The following CSMD1 variants were observed in gnomAD, a reference collection of about 807,000 sequenced individuals.
The protein encoded by CSMD1 is CUB and sushi domain-containing protein 1.
A neutral mutation model predicts 417.5 loss-of-function variants in CSMD1; 213 were observed. That is an observed-to-expected ratio of 0.51 (90% CI 0.46 to 0.57). The LOEUF is 0.57. CSMD1 is among the 20% of genes least tolerant of loss of function. CSMD1 has a pLI of 0.00. For synonymous variants in CSMD1, 2,862 were observed against 1,736.8 expected, an observed-to-expected ratio of 1.65 and a Z score of -16.11; for missense variants, 6,923 against 4,529.7, an observed-to-expected ratio of 1.53 and a Z score of -15.17.
chr8:3,365,779 C>A (rs867954810), intron 20 of CSMD1, among the ~76,000 whole-genome samples: 1 of 152,282 alleles, frequency 6.6e-6, no homozygotes, highest in Non-Finnish European at 1.5e-5. Flanking sequence ...GGGGTTGACA[C>A]CCCAACCCTT....
At chr8:4,046,354 T>C (rs1161943267) in intron 3 of CSMD1, among the ~76,000 whole-genome samples, 1 of 152,214 alleles carries the variant, frequency 6.6e-6, no homozygotes, top group East Asian at 1.9e-4. Context: ...AATGTTATCA[T>C]TATAAACACT....
chr8:3,244,994 CAA>C (rs1563180701), intron 26 of CSMD1, among the ~76,000 whole-genome samples: 2 of 152,108 alleles, frequency 1.3e-5, no homozygotes, highest in South Asian at 4.1e-4. Context: ...TGTGATTCCT[CAA>C]GAGGGAGATT....
chr8:3,384,757 A>C (rs7838106), intron 18 of CSMD1, among the ~76,000 whole-genome samples: 2,416 of 121,546 alleles, frequency 0.02, 86 homozygotes, highest in African/African-American at 0.071. Context: ...TATTTATATA[A>C]ATTATATAAA....
At chr8:4,444,346 C>CAAAAAAAAAAAAAAAAAAAAAA (rs112028005) in intron 2 of CSMD1, among the ~76,000 whole-genome samples, 10 of 46,276 alleles carry the variant, frequency 2.2e-4, no homozygotes, top group African/African-American at 6.4e-4. Context: ...GACTCCATCT[C>CAAAAAAAAAAAAAAAAAAAAAA]AAAAAAAAAA....
intron 23 of CSMD1, among the ~76,000 whole-genome samples, chr8:3,337,231 C>T (rs1413047845): frequency 6.6e-6 from 1 of 152,142 alleles, no homozygotes; most frequent in Non-Finnish European, 1.5e-5. Flanking sequence ...AAGTCTAGAA[C>T]CTTTCAAAAG....
At chr8:4,342,891 C>T (rs759209381) in intron 3 of CSMD1, among the ~76,000 whole-genome samples, 1 of 151,996 alleles carries the variant, frequency 6.6e-6, no homozygotes, top group African/African-American at 2.4e-5. Flanking sequence ...TCAGGAGAAG[C>T]AAAGGACTTA....
chr8:3,691,869 T>G (rs1800264690), intron 7 of CSMD1, among the ~76,000 whole-genome samples: 1 of 152,202 alleles, frequency 6.6e-6, no homozygotes, highest in South Asian at 2.1e-4. Context: ...CAGGCAGAAT[T>G]TGAATCTATG....
chr8:4,257,307 C>G (rs905658202), intron 3 of CSMD1, among the ~76,000 whole-genome samples: 2 of 152,062 alleles, frequency 1.3e-5, no homozygotes. Flanking sequence ...TTTTACAATA[C>G]AGTTTTAAAT....
At chr8:4,085,756 G>C (rs781689242) in intron 3 of CSMD1, among the ~76,000 whole-genome samples, 3 of 152,282 alleles carry the variant, frequency 2.0e-5, no homozygotes, top group Non-Finnish European at 2.9e-5. Flanking sequence ...GGGAAGATGT[G>C]TGGCTTCCAG....
At chr8:4,769,196 C>A (rs1796482357) in intron 1 of CSMD1, among the ~76,000 whole-genome samples, 2 of 152,100 alleles carry the variant, frequency 1.3e-5, no homozygotes, top group South Asian at 4.1e-4. Flanking sequence ...ACACCACATA[C>A]CTCATGGCTT....
At chr8:4,782,847 T>C (rs910624111) in intron 1 of CSMD1, among the ~76,000 whole-genome samples, 1 of 152,148 alleles carries the variant, frequency 6.6e-6, no homozygotes, top group African/African-American at 2.4e-5. Flanking sequence ...CAACTCAAGC[T>C]ATTTTTTTCA....
intron 41 of CSMD1, among the ~76,000 whole-genome samples, chr8:3,133,238 G>A (rs1817892169): frequency 6.6e-6 from 1 of 152,066 alleles, no homozygotes; most frequent in Non-Finnish European, 1.5e-5. Context: ...TCCCAATGGG[G>A]CCCCTTCTTG....
chr8:3,605,441 C>A (rs1015495243), intron 8 of CSMD1, among the ~76,000 whole-genome samples: 10 of 152,170 alleles, frequency 6.6e-5, no homozygotes, highest in Non-Finnish European at 1.2e-4. Context: ...AAAACCAATG[C>A]AGCAATACTA....
intron 2 of CSMD1, among the ~76,000 whole-genome samples, chr8:4,562,541 T>G (rs980205487): frequency 2.6e-5 from 4 of 152,164 alleles, no homozygotes; most frequent in African/African-American, 9.7e-5. Flanking sequence ...AGTTATTAAA[T>G]AAGTATACAT....
At chr8:3,086,352 AG>A (rs1371457449) in intron 49 of CSMD1, among the ~76,000 whole-genome samples, 3 of 152,192 alleles carry the variant, frequency 2.0e-5, no homozygotes, top group Non-Finnish European at 2.9e-5. Flanking sequence ...AACTTCTTAC[AG>A]TCAAAGGCAC....
At position 4,138,105 on chromosome 8, in the gene CSMD1, CG is replaced by C. The variant is rs1269469487; in HGVS notation, c.416-106007del. ...TTTTTTTTGTATTTTTTAGTAGAGA[CG>C]CGGTTTCACCGTGTTACCCAGGATG... On this transcript the variant is annotated intron_variant, in intron 3 of 69. Coordinates refer to ENST00000635120, the MANE Select transcript of CSMD1 (RefSeq NM_033225.6). 1.7e-5 allele frequency among the ~76,000 whole-genome samples: 2 copies of C among 116,866 alleles called. 1 individual carries two copies. The highest frequency in any genetic ancestry group is 6.5e-5 in the African/African-American group (2 of 30,940). 76.7% of individuals were successfully genotyped at this position (116,866 alleles called of 152,430 possible). A position where few individuals can be genotyped will look rare whatever the true frequency, so the allele number is the denominator to read the frequency against.
chr8:3,020,623 T>C (rs1244039677), intron 51 of CSMD1, among the ~76,000 whole-genome samples: 1 of 152,150 alleles, frequency 6.6e-6, no homozygotes, highest in Non-Finnish European at 1.5e-5. Flanking sequence ...AATCCTCCCA[T>C]CTTGGCCTTC....
At chr8:3,230,535 C>G (rs1197884250) in intron 26 of CSMD1, among the ~76,000 whole-genome samples, 1 of 152,078 alleles carries the variant, frequency 6.6e-6, no homozygotes, top group Non-Finnish European at 1.5e-5. Flanking sequence ...TACATACACA[C>G]AGACTGATTT....
chr8:4,289,594 G>A (rs1048183874), intron 3 of CSMD1, among the ~76,000 whole-genome samples: 2 of 152,186 alleles, frequency 1.3e-5, no homozygotes, highest in Non-Finnish European at 2.9e-5. Flanking sequence ...GTCTGGCAGT[G>A]ACGATGGTGC....
Sources: gnomAD v4.1 joint callset for allele counts (sites outside exome capture counted in the v4.1 genomes callset) on GRCh38, gnomAD v4.1.1 for gene constraint, MANE v1.5 for transcripts, NCBI Gene and HGNC (gene_info 2026-07-23, HGNC 2026-07-21) for gene names.